Variants in KLHDC8B observed in about 807,000 individuals in gnomAD.
KLHDC8B encodes kelch domain-containing protein 8B.
Under a neutral mutation model 26.3 loss-of-function variants are expected in KLHDC8B, and 19 were observed. The observed-to-expected ratio is 0.72, with a 90% CI of 0.50 to 1.06. The LOEUF (loss-of-function observed/expected upper bound fraction) is 1.06. Ranked by LOEUF, KLHDC8B falls within the 50% of genes least tolerant of loss-of-function variation. The probability of loss-of-function intolerance (pLI) is 0.00; values close to 1 mark genes in which losing one functional copy is unlikely to be tolerated. For synonymous variants in KLHDC8B, 150 were observed against 188.4 expected (o/e 0.80, Z 1.67); for missense variants, 411 against 488.1 (o/e 0.84, Z 1.49).
Position 49,175,720 on chromosome 3 carries a change from G to A in KLHDC8B, c.984G>A (p.Gly328=), listed in dbSNP as rs371934873. 1.1e-5 allele frequency: 17 copies of A among 1,613,996 alleles called. No homozygotes were observed. The highest frequency in any genetic ancestry group is 1.4e-5 in the Non-Finnish European group (17 of 1,179,974). ...GCTCCTGCTCTAGTCTGCAGGCTGG[G>A]CCCCGGCTGTTTGTTATTGGGGGTG... ...ARCSCSSLQA[G]PRLFVIGGVA... The change falls in exon 6 of 6, where the codon GGG becomes GGA. Residue 328 remains glycine (G), a synonymous_variant. Transcript: ENST00000332780.
At position 49,174,852 on chromosome 3, in the gene KLHDC8B, G is replaced by A. The variant is rs759437893; in HGVS notation, c.652G>A (p.Ala218Thr). 1.1e-5 allele frequency: 18 copies of A among 1,613,994 alleles called. No homozygotes were observed. The highest frequency in any genetic ancestry group is 6.7e-5 in the African/African-American group (5 of 74,938). ...LPSRRAFAGCAMAEGSVFSLG... is the reference protein window; with the variant it reads ...LPSRRAFAGCTMAEGSVFSLG... Reference sequence around the variant, plus strand: ...CAGCCGTCGGGCCTTTGCTGGCTGCGCCATGGCTGAAGGCAGCGTCTTTAG... The same window carrying A: ...CAGCCGTCGGGCCTTTGCTGGCTGCACCATGGCTGAAGGCAGCGTCTTTAG... The change falls in exon 4 of 6, where the codon GCC becomes ACC. Residue 218 changes from alanine to threonine, a missense_variant. Physicochemically the swap from Ala to Thr is moderately conservative, Grantham distance 58 (BLOSUM62 0). Transcript: ENST00000332780.
At chr3:49,175,331 A>G (rs1317398911) in intron 5 of KLHDC8B, 168 bp downstream of exon 5, 6 of 643,858 alleles carry the variant, frequency 9.3e-6, no homozygotes, top group African/African-American at 7.3e-5. Flanking sequence ...CTGGCCCAGC[A>G]CTCAGGGTGT....
intron 5 of KLHDC8B, 41 bp from the exon 6 acceptor site, chr3:49,175,564 A>G (rs1392061210): frequency 2.0e-6 from 3 of 1,472,422 alleles, no homozygotes; most frequent in Admixed American, 2.2e-5. Context: ...TGGAGTCCCT[A>G]CGGCCTGTGC....
At chr3:49,172,233 G>A (rs2045773847) in intron 1 of KLHDC8B, among the ~76,000 whole-genome samples, 1 of 152,092 alleles carries the variant, frequency 6.6e-6, no homozygotes, top group South Asian at 2.1e-4. Context: ...GGCTGCCCAG[G>A]GCACCCTGGA....
intron 4 of KLHDC8B, 30 bp from the exon 5 acceptor site, chr3:49,175,032 T>C: frequency 6.2e-7 from 1 of 1,613,942 alleles, no homozygotes; most frequent in Non-Finnish European, 8.5e-7. Flanking sequence ...AGTGTGTACA[T>C]GACTAGATCT....
chr3:49,174,659 GGCAGGCAGATTA>G (rs2045804752), intron 3 of KLHDC8B, 71 bp from the exon 4 acceptor site: 2 of 1,505,342 alleles, frequency 1.3e-6, no homozygotes, highest in African/African-American at 2.8e-5. Flanking sequence ...GGGAGGCTGA[GGCAGGCAGATTA>G]GCAACCTAGT....
rs140099356 is a variant in KLHDC8B at position 49,174,764 on chromosome 3, G to A, written c.564G>A (p.Pro188=). The stretch of plus-strand genomic sequence containing the variant: ...CAGGGGGCCGCCAGGGCAAGCTCCC[G>A]GTGACTGCTTTTGAAGCCTTTGATC... ...YVLGGRQGKL[P]VTAFEAFDLE... Residue 188 remains proline, a synonymous_variant, in exon 4 of 6, where the codon CCG becomes CCA. Coordinates refer to ENST00000332780, the MANE Select transcript of KLHDC8B (RefSeq NM_173546.3). 170 of 1,610,110 alleles carry A rather than the reference G, an allele frequency of 1.1e-4. No individual in the cohort carries two copies. The East Asian group carries it at 1.1e-3, about 10-fold the overall frequency.
chr3:49,175,306 C>T, intron 5 of KLHDC8B, 143 bp downstream of exon 5: 2 of 692,634 alleles, frequency 2.9e-6, no homozygotes, highest in Non-Finnish European at 4.8e-6. Flanking sequence ...ATGAAGTAGG[C>T]AGGATGTGGT....
In KLHDC8B at chr3:49,173,143, G is replaced by T; in HGVS notation, c.374G>T (p.Arg125Ile). 6 of 1,564,652 alleles carry T rather than the reference G, an allele frequency of 3.8e-6. No homozygotes were observed. The highest frequency in any genetic ancestry group is 5.2e-6 in the Non-Finnish European group (6 of 1,154,146). The part of the protein sequence containing the change: ...QAAMGVATVE[R>I]DGMVYALGGM... ...GCCATGGGGGTTGCAACTGTGGAGA[G>T]AGGTGAGTGGCCTCCCAAGGAAGGC... is the stretch of plus-strand genomic sequence containing the variant. The change falls in exon 2 of 6, where the codon AGA becomes ATA. Residue 125 changes from arginine (R) to isoleucine (I), a missense_variant and splice_region_variant. By Grantham distance (97) the Arg-to-Ile change is moderately conservative (BLOSUM62 -3). Coordinates refer to ENST00000332780, the MANE Select transcript of KLHDC8B (RefSeq NM_173546.3).
intron 2 of KLHDC8B, 84 bp downstream of exon 2, chr3:49,173,229 G>A: frequency 7.4e-7 from 1 of 1,351,658 alleles, no homozygotes; most frequent in African/African-American, 1.5e-5. Context: ...CTCAGAGACT[G>A]AACAAGAGCT....
At position 49,172,768 on chromosome 3, in the gene KLHDC8B, C is replaced by G. The variant is rs773066746; in HGVS notation, c.-2C>G. 2 of 1,609,496 alleles carry G rather than the reference C, an allele frequency of 1.2e-6. No homozygotes were observed. The highest frequency in any genetic ancestry group is 3.3e-5 in the Admixed American group (2 of 59,882). The stretch of plus-strand genomic sequence containing the variant: ...CATGGCCTGCCACTGGCAGTGAACA[C>G]CATGTCTGCAGGAGGTGGCCGGGCC... On this transcript the variant is annotated 5_prime_UTR_variant, in exon 2 of 6. Coordinates refer to ENST00000332780, the MANE Select transcript of KLHDC8B (RefSeq NM_173546.3).
chr3:49,172,013 G>A lies in KLHDC8B; in HGVS notation c.-135+328G>A, dbSNP rs536228058. ...TGGACACCAGGGAATCTGGCTTCTG[G>A]GGGGGTTTGGAATGGGCAAACTCCT... On this transcript the variant is annotated intron_variant, in intron 1 of 5. Coordinates refer to ENST00000332780, the MANE Select transcript of KLHDC8B (RefSeq NM_173546.3). 2.6e-5 allele frequency among the ~76,000 whole-genome samples: 4 copies of A among 152,306 alleles called. No homozygotes were observed. The South Asian group carries it at 8.3e-4, about 32-fold the overall frequency.
In KLHDC8B at chr3:49,175,042, T is replaced by G; in HGVS notation, c.767-20T>G. The G allele has an allele frequency of 6.2e-7, 1 of 1,613,934 alleles. No homozygotes were observed. ...GGCATAGTGTGTACATGACTAGATC[T>G]GACCTCCCCTCTCCTGCAGGGTCCT... On this transcript the variant is annotated intron_variant, in intron 4 of 5. Coordinates refer to ENST00000332780, the MANE Select transcript of KLHDC8B (RefSeq NM_173546.3).
chr3:49,175,063 G>T lies in KLHDC8B; in HGVS notation c.768G>T (p.Gly256=), dbSNP rs1244669911. ...GATCTGACCTCCCCTCTCCTGCAGG[G>T]TCCTGGACCAAATTGCCCCGCAGCC... The part of the protein sequence containing the change: ...NTVEMFDLEH[G]SWTKLPRSLR... Residue 256 remains glycine (G), a splice_region_variant and synonymous_variant, in exon 5 of 6, where the codon GGG becomes GGT. Coordinates refer to ENST00000332780, the MANE Select transcript of KLHDC8B (RefSeq NM_173546.3). The T allele has an allele frequency of 1.2e-6, 2 of 1,613,996 alleles. No homozygotes were observed. Among genetic ancestry groups the T allele is most frequent in the African/African-American group, 1.3e-5 (1 of 74,926 alleles).
At position 49,173,263 on chromosome 3, in the gene KLHDC8B, G is replaced by C. The variant is rs370548959; in HGVS notation, c.376+118G>C. 26 of 1,083,970 alleles carry C rather than the reference G, an allele frequency of 2.4e-5. No homozygotes were observed. In the African/African-American group the frequency reaches 3.8e-4, roughly 16 times the overall value. 67.1% of individuals were successfully genotyped at this position (1,083,970 alleles called of 1,614,324 possible). Reference sequence around the variant, plus strand: ...CTGTAATTTTTACATGGGTGCCCAGGATGTGGCCTTGTCCCCTGTATCCTT... The same window carrying C: ...CTGTAATTTTTACATGGGTGCCCAGCATGTGGCCTTGTCCCCTGTATCCTT... On this transcript the variant is annotated intron_variant, in intron 2 of 5. Coordinates refer to ENST00000332780, the MANE Select transcript of KLHDC8B (RefSeq NM_173546.3).
intron 1 of KLHDC8B, among the ~76,000 whole-genome samples, chr3:49,172,000 A>C (rs910214279): frequency 6.6e-6 from 1 of 152,106 alleles, no homozygotes; most frequent in Non-Finnish European, 1.5e-5. Flanking sequence ...GACACCAGGG[A>C]ATCTGGCTTC....
chr3:49,175,748 G>A lies in KLHDC8B; in HGVS notation c.1012G>A (p.Ala338Thr), dbSNP rs2045822527. 6.2e-7 allele frequency: 1 copy of A among 1,613,914 alleles called. No individual in the cohort carries two copies. The highest frequency in any genetic ancestry group is 1.3e-5 in the African/African-American group (1 of 74,940). The change falls in exon 6 of 6, where the codon GCC (alanine) becomes ACC (threonine). Residue 338 changes from alanine to threonine, a missense_variant. By Grantham distance (58) the Ala-to-Thr change is moderately conservative. Coordinates refer to ENST00000332780, the MANE Select transcript of KLHDC8B (RefSeq NM_173546.3). ...GPRLFVIGGV[A>T]QGPSQAVEAL... ...CCGGCTGTTTGTTATTGGGGGTGTG[G>A]CCCAGGGCCCCAGTCAAGCCGTGGA...
Position 49,174,834 on chromosome 3 carries a change from C to A in KLHDC8B, c.634C>A (p.Arg212=). ...CCGGCATCCAAGCCTACCCAGCCGTCGGGCCTTTGCTGGCTGCGCCATGGC... is the reference window on the plus strand; with the variant it reads ...CCGGCATCCAAGCCTACCCAGCCGTAGGGCCTTTGCTGGCTGCGCCATGGC... The part of the protein sequence containing the change: ...WTRHPSLPSR[R]AFAGCAMAEG... Residue 212 remains arginine, a synonymous_variant, in exon 4 of 6, where the codon CGG becomes AGG. Coordinates refer to ENST00000332780, the MANE Select transcript of KLHDC8B (RefSeq NM_173546.3). The A allele has an allele frequency of 6.2e-7, 1 of 1,614,104 alleles. No homozygotes were observed. The highest frequency in any genetic ancestry group is 1.1e-5 in the South Asian group (1 of 91,084).
intron 1 of KLHDC8B, among the ~76,000 whole-genome samples, chr3:49,172,097 G>A (rs1022396532): frequency 4.6e-5 from 7 of 152,172 alleles, no homozygotes; most frequent in Non-Finnish European, 1.0e-4. Flanking sequence ...CCCCTAGTCT[G>A]AAACACACCC....
Sources: allele counts gnomAD v4.1 joint callset (sites outside exome capture counted in the v4.1 genomes callset), GRCh38; gene constraint gnomAD v4.1.1; transcripts MANE v1.5; gene names NCBI Gene and HGNC (gene_info 2026-07-23, HGNC 2026-07-21).